Variants in TFR2 observed in about 807,000 individuals in gnomAD.
TFR2 encodes transferrin receptor protein 2.
In TFR2, 64 loss-of-function variants were observed where a neutral mutation model predicts 91.9. That is an observed-to-expected ratio of 0.70 (90% confidence interval 0.57 to 0.86). TFR2 has a LOEUF of 0.86. TFR2 is among the 40% of genes least tolerant of loss of function. TFR2 has a pLI of 0.00. For missense variants in TFR2, 950 were observed against 1,080.5 expected (o/e 0.88, Z 1.69); for synonymous variants, 454 against 459.6 (o/e 0.99, Z 0.15).
At position 100,633,295 on chromosome 7, in the gene TFR2, G is replaced by T. The variant is rs2131320508; in HGVS notation, c.660C>A (p.Val220=). The part of the protein sequence containing the change: ...TLHWVDEAGK[V]GEQLPLEDPD... ...GGTCCTCCAGCGGCAGCTGCTCTCC[G>T]ACCTTCCCGGCCTCATCGACCCAGT... The change falls in exon 5 of 18, where the codon GTC becomes GTA. Residue 220 remains valine (V), a synonymous_variant. Transcript: ENST00000223051. The T allele has an allele frequency of 5.0e-6, 8 of 1,613,732 alleles. No individual in the cohort carries two copies. Among genetic ancestry groups the T allele is most frequent in the Non-Finnish European group, 5.9e-6 (7 of 1,179,856 alleles).
At chr7:100,629,468 C>G (rs570000600) in intron 9 of TFR2, 96 bp from the exon 10 acceptor site, 1 of 1,591,966 alleles carries the variant, frequency 6.3e-7, no homozygotes, top group Non-Finnish European at 8.5e-7. Flanking sequence ...ATCACAATTC[C>G]GGCAACCCTA....
At chr7:100,633,692 C>A in intron 3 of TFR2, 136 bp from the exon 4 acceptor site, 1 of 651,200 alleles carries the variant, frequency 1.5e-6, no homozygotes, top group East Asian at 4.1e-5. Flanking sequence ...GCGCTCCCCG[C>A]GGACGCTTTT....
At chr7:100,626,949 C>A in intron 16 of TFR2, 46 bp from the exon 17 acceptor site, 11 of 1,518,904 alleles carry the variant, frequency 7.2e-6, no homozygotes, top group South Asian at 1.2e-5. Context: ...GGGGCCAGGA[C>A]CCCCGCCTAG....
chr7:100,640,588 C>A (rs539506704), intron 3 of TFR2, 98 bp downstream of exon 3: 23 of 1,415,380 alleles, frequency 1.6e-5, no homozygotes, highest in Non-Finnish European at 1.9e-5. Flanking sequence ...GGAGGGGGAC[C>A]CAGACACCAG....
At chr7:100,623,899 A>AG (rs1803182727) in intron 17 of TFR2, among the ~76,000 whole-genome samples, 1 of 150,348 alleles carries the variant, frequency 6.7e-6, no homozygotes, top group Admixed American at 6.7e-5. Context: ...AAAAAAAAAA[A>AG]AAAAAAAAAA....
chr7:100,621,456 G>A (rs887063475), intron 17 of TFR2, among the ~76,000 whole-genome samples: 1 of 152,166 alleles, frequency 6.6e-6, no homozygotes, highest in Non-Finnish European at 1.5e-5. Context: ...GTTTCTCCGT[G>A]TTGGCCAGGC....
intron 3 of TFR2, 112 bp from the exon 4 acceptor site, chr7:100,633,668 A>G (rs1584461144): frequency 3.3e-6 from 2 of 608,530 alleles, no homozygotes; most frequent in Non-Finnish European, 2.3e-6. Flanking sequence ...GGGGTTCCTG[A>G]GTTTAGGAAA....
rs192343421 is a variant in TFR2 at position 100,623,927 on chromosome 7, G to A, written c.2137-2801C>T. 4.8e-3 allele frequency among the ~76,000 whole-genome samples: 715 copies of A among 149,464 alleles called. 6 individuals carry two copies. The highest frequency in any genetic ancestry group is 0.015 in the African/African-American group (625 of 40,458). ...AAAAAAAAATTAGGCATGGTTGTGC[G>A]CGCCTGTAGTCCCAGCTACTCGGGA... On this transcript the variant is annotated intron_variant, in intron 17 of 17. Coordinates refer to ENST00000223051, the MANE Select transcript of TFR2 (RefSeq NM_003227.4).
In TFR2 at chr7:100,627,265, T is replaced by C; in HGVS notation, c.1994A>G (p.Lys665Arg). Reference sequence around the variant, plus strand: ...AAGAGCGGGGTGGGCCTCTTGAACCTTGAGGTCCCCAGAGAACTCGTTGAG... The same window carrying C: ...AAGAGCGGGGTGGGCCTCTTGAACCCTGAGGTCCCCAGAGAACTCGTTGAG... ...GNLNEFSGDLKARGLTLQWVY... is the reference protein window; with the variant it reads ...GNLNEFSGDLRARGLTLQWVY... The change falls in exon 16 of 18, where the codon AAG becomes AGG. Residue 665 changes from lysine to arginine, a missense_variant and splice_region_variant. Lys to Arg is a conservative substitution (Grantham distance 26, BLOSUM62 2). Transcript: ENST00000223051. The C allele has an allele frequency of 6.5e-7, 1 of 1,549,110 alleles. No homozygotes were observed. The highest frequency in any genetic ancestry group is 8.7e-7 in the Non-Finnish European group (1 of 1,146,742).
intron 17 of TFR2, among the ~76,000 whole-genome samples, chr7:100,623,613 T>C (rs1803172437): frequency 6.6e-6 from 1 of 151,648 alleles, no homozygotes; most frequent in African/African-American, 2.4e-5. Context: ...CCCTCATCTC[T>C]ACAAAAATAA....
chr7:100,632,920 C>T, intron 6 of TFR2, 81 bp downstream of exon 6: 1 of 1,610,694 alleles, frequency 6.2e-7, no homozygotes. Flanking sequence ...CTCCCTCTCA[C>T]AGCACCCTGA....
At chr7:100,640,509 C>T (rs1803674649) in intron 3 of TFR2, 177 bp downstream of exon 3, 2 of 696,102 alleles carry the variant, frequency 2.9e-6, no homozygotes, top group Non-Finnish European at 4.7e-6. Flanking sequence ...GGAACCTCAG[C>T]TCCGAATGCC....
In TFR2 at chr7:100,640,785, T is replaced by G. The variant is rs749842107; in HGVS notation, c.374A>C (p.Glu125Ala). The G allele has an allele frequency of 6.5e-5, 105 of 1,613,926 alleles. 1 individual carries two copies. The Admixed American group carries it at 1.8e-3, about 27-fold the overall frequency. ...GCCCTGGTGGAAATCCAGGTCAGGC[T>G]CATAGTTGACATCCTCACTGACCAC... ...VLVVSEDVNY[E>A]PDLDFHQGRL... Residue 125 changes from glutamate to alanine, a missense_variant, in exon 3 of 18, where the codon GAG (glutamate) becomes GCG (alanine). Glu to Ala is a moderately radical substitution (Grantham distance 107). Transcript: ENST00000223051.
chr7:100,628,498 C>T (rs41303513), intron 10 of TFR2, among the ~76,000 whole-genome samples, 192 bp from the exon 11 acceptor site: 277 of 152,154 alleles, frequency 1.8e-3, no homozygotes, highest in African/African-American at 6.5e-3. Context: ...CTCTCAGGTT[C>T]AAGTCATCCT....
At chr7:100,629,434 C>A in intron 9 of TFR2, 62 bp from the exon 10 acceptor site, 4 of 1,608,142 alleles carry the variant, frequency 2.5e-6, no homozygotes, top group Non-Finnish European at 2.5e-6. Flanking sequence ...GGGGCATCCT[C>A]CATCTGCCTG....
rs138650768 is a variant in TFR2, at chr7:100,631,189, G to A, written c.1107-137C>T. ...CTCTGGACGCTGCCTGGGTAGGGCA[G>A]TGCAGTCAGGGCTGCCTTGGATGGT... On this transcript the variant is annotated intron_variant, in intron 8 of 17. Coordinates refer to ENST00000223051, the MANE Select transcript of TFR2 (RefSeq NM_003227.4). The A allele has an allele frequency of 1.5e-5, 15 of 1,021,052 alleles. No homozygotes were observed. The Middle Eastern group carries it at 9.8e-4, about 67-fold the overall frequency. The allele number at this position is 1,021,052 out of a possible 1,614,324, so 63.2% of individuals were successfully genotyped here.
At position 100,627,277 on chromosome 7, in the gene TFR2, G is replaced by A; in HGVS notation, c.1982C>T (p.Ser661Phe). 6.5e-7 allele frequency: 1 copy of A among 1,549,186 alleles called. No homozygotes were observed. Among genetic ancestry groups the A allele is most frequent in the East Asian group, 2.4e-5 (1 of 40,916 alleles). ...GGCCTCTTGAACCTTGAGGTCCCCA[G>A]AGAACTCGTTGAGGTTCCCGATGTG... ...LRHIGNLNEF[S>F]GDLKARGLTL... Residue 661 changes from serine (S) to phenylalanine (F), a missense_variant, in exon 16 of 18, where the codon TCT becomes TTT. Ser to Phe is a radical substitution (Grantham distance 155). Transcript: ENST00000223051.
intron 3 of TFR2, among the ~76,000 whole-genome samples, chr7:100,633,998 G>C (rs41303453): frequency 6.6e-6 from 1 of 151,934 alleles, no homozygotes; most frequent in East Asian, 2.0e-4. Flanking sequence ...GCGAGCCGCA[G>C]TGCAGGGCCC....
At chr7:100,621,259 G>A in intron 17 of TFR2, 133 bp from the exon 18 acceptor site, 1 of 1,246,430 alleles carries the variant, frequency 8.0e-7, no homozygotes, top group Non-Finnish European at 1.1e-6. Flanking sequence ...TTTTTTGTTT[G>A]TTCGTTTGTT....
Sources: allele counts gnomAD v4.1 joint callset (sites outside exome capture counted in the v4.1 genomes callset), GRCh38; gene constraint gnomAD v4.1.1; transcripts MANE v1.5; gene names NCBI Gene and HGNC (gene_info 2026-07-23, HGNC 2026-07-21).